The following PHF14 variants were observed in gnomAD, a reference collection of about 807,000 sequenced individuals.
The protein encoded by PHF14 is PHD finger protein 14.
A neutral mutation model predicts 117.9 loss-of-function variants in PHF14; 55 were observed. The ratio of observed to expected loss-of-function variants is 0.47; its 90% CI spans 0.38 to 0.58. The LOEUF is 0.58. PHF14 is among the 20% of genes least tolerant of loss of function. PHF14 has a pLI of 0.00. For synonymous variants in PHF14, 409 were observed against 368.6 expected (o/e 1.11, Z -1.26); for missense variants, 978 against 1,122.2 (o/e 0.87, Z 1.84).
At chr7:10,990,647 G>GTT in intron 3 of PHF14, 56 bp from the exon 4 acceptor site, 113 of 1,002,654 alleles carry the variant, frequency 1.1e-4, no homozygotes, top group East Asian at 6.1e-4. Context: ...TAGTGATTAA[G>GTT]TTTTTTTTTT....
intron 17 of PHF14, among the ~76,000 whole-genome samples, chr7:11,134,580 G>A (rs1041637406): frequency 5.9e-5 from 9 of 151,994 alleles, no homozygotes; most frequent in Non-Finnish European, 1.0e-4. Flanking sequence ...AGGAAAGTGA[G>A]ACTTGGAGCG....
intron 7 of PHF14, among the ~76,000 whole-genome samples, chr7:11,029,636 A>G (rs1784053513): frequency 6.6e-6 from 1 of 152,162 alleles, no homozygotes; most frequent in South Asian, 2.1e-4. Flanking sequence ...ATTAATGAAT[A>G]TTGCAAAAAA....
intron 6 of PHF14, among the ~76,000 whole-genome samples, chr7:11,024,378 A>G (rs11520738): frequency 0.029 from 4,451 of 152,266 alleles, 100 homozygotes; most frequent in Non-Finnish European, 0.04. Context: ...AGCTAAGACA[A>G]ATGATGAAGA....
chr7:11,123,841 C>G (rs1049341136), intron 17 of PHF14, among the ~76,000 whole-genome samples: 3 of 147,418 alleles, frequency 2.0e-5, no homozygotes, highest in African/African-American at 8.0e-5. Context: ...TCGCTTGAAC[C>G]CAGGAGGCGG....
intron 4 of PHF14, chr7:11,006,641 G>A (rs530975824): frequency 1.6e-6 from 1 of 617,830 alleles, no homozygotes; most frequent in South Asian, 1.4e-5. Context: ...GCAGAAACTT[G>A]ATGATGGTAT....
At chr7:11,023,498 T>C (rs964361254) in intron 6 of PHF14, among the ~76,000 whole-genome samples, 2 of 152,336 alleles carry the variant, frequency 1.3e-5, no homozygotes, top group Non-Finnish European at 2.9e-5. Context: ...CCTGACTTGG[T>C]TGGGGCCTCT....
intron 7 of PHF14, among the ~76,000 whole-genome samples, chr7:11,032,514 T>C (rs1562430481): frequency 6.6e-6 from 1 of 151,890 alleles, no homozygotes. Flanking sequence ...AAAAAAAAGA[T>C]TTTAAGATTC....
intron 17 of PHF14, among the ~76,000 whole-genome samples, chr7:11,148,796 A>G (rs950831714): frequency 6.6e-6 from 1 of 152,214 alleles, no homozygotes; most frequent in African/African-American, 2.4e-5. Context: ...GTTTATTTCA[A>G]TTCTAGTTAG....
At chr7:11,075,783 T>C (rs55885944) in intron 16 of PHF14, among the ~76,000 whole-genome samples, 3,001 of 151,960 alleles carry the variant, frequency 0.02, 41 homozygotes, top group Middle Eastern at 0.045. Context: ...AGTATTAATA[T>C]CTCCTTTGAA....
intron 3 of PHF14, among the ~76,000 whole-genome samples, chr7:10,983,595 C>T (rs1782119494): frequency 6.6e-6 from 1 of 152,120 alleles, no homozygotes; most frequent in South Asian, 2.1e-4. Context: ...AGCAGGGCAA[C>T]AGTCTAATGA....
chr7:11,159,985 G>T (rs1448511698), intron 17 of PHF14, among the ~76,000 whole-genome samples: 1 of 152,144 alleles, frequency 6.6e-6, no homozygotes, highest in Admixed American at 6.5e-5. Flanking sequence ...GTGTGATGCT[G>T]AGTTTTGGGG....
intron 14 of PHF14, among the ~76,000 whole-genome samples, chr7:11,055,306 A>G (rs1329833533): frequency 6.6e-6 from 1 of 152,190 alleles, no homozygotes; most frequent in East Asian, 1.9e-4. Flanking sequence ...GTAACTTGAA[A>G]GCTTTCAGAT....
chr7:11,004,624 A>AT (rs1212783664), intron 4 of PHF14, among the ~76,000 whole-genome samples: 1 of 151,946 alleles, frequency 6.6e-6, no homozygotes, highest in Non-Finnish European at 1.5e-5. Flanking sequence ...GTCATATTGA[A>AT]TATCTCTCAG....
chr7:11,133,152 G>A lies in PHF14; in HGVS notation c.2772+21685G>A, dbSNP rs144910454. 4.3e-4 allele frequency among the ~76,000 whole-genome samples: 66 copies of A among 152,026 alleles called. 1 individual carries two copies. The highest frequency in any genetic ancestry group is 1.6e-3 in the African/African-American group (65 of 41,532). On this transcript the variant is annotated intron_variant, in intron 17 of 17. Coordinates refer to ENST00000634607, the MANE Select transcript of PHF14 (RefSeq NM_001007157.2). ...TTTCAACTTAAACTATAGATTCAGTGCAATCCCAATCGAACTCTCAGCAAG... is the reference window on the plus strand; with the variant it reads ...TTTCAACTTAAACTATAGATTCAGTACAATCCCAATCGAACTCTCAGCAAG...
At chr7:11,119,301 A>G (rs1457813991) in intron 17 of PHF14, among the ~76,000 whole-genome samples, 1 of 151,908 alleles carries the variant, frequency 6.6e-6, no homozygotes, top group Admixed American at 6.6e-5. Context: ...GATAAAGGAC[A>G]TTTTATTACG....
intron 17 of PHF14, among the ~76,000 whole-genome samples, chr7:11,112,262 A>G (rs879456918): frequency 1.3e-5 from 2 of 152,184 alleles, no homozygotes; most frequent in Non-Finnish European, 2.9e-5. Flanking sequence ...ATGGACATCC[A>G]GCCATCTTTC....
At chr7:11,076,425 T>C (rs534020604) in intron 16 of PHF14, among the ~76,000 whole-genome samples, 1 of 151,988 alleles carries the variant, frequency 6.6e-6, no homozygotes, top group African/African-American at 2.4e-5. Context: ...GTATTTAATA[T>C]TATTTTTTTA....
At chr7:11,125,368 C>T (rs909794890) in intron 17 of PHF14, among the ~76,000 whole-genome samples, 4 of 152,102 alleles carry the variant, frequency 2.6e-5, no homozygotes, top group African/African-American at 9.7e-5. Context: ...TTTGTGTACA[C>T]TGGCAGTTTT....
rs112415373 is a variant in PHF14, at chr7:11,064,305, AC to A, written c.2654+2226del. On this transcript the variant is annotated intron_variant, in intron 16 of 17. Coordinates refer to ENST00000634607, the MANE Select transcript of PHF14 (RefSeq NM_001007157.2). ...TTGGCACTGTTATTGTTTGAAAATC[AC>A]CCCCCAAAAGTCTACACTTTTTTAT... 2.9e-3 allele frequency among the ~76,000 whole-genome samples: 441 copies of A among 151,746 alleles called. 1 individual carries two copies. The highest frequency in any genetic ancestry group is 0.01 in the African/African-American group (422 of 41,474).
Sources: gnomAD v4.1 joint callset for allele counts (sites outside exome capture counted in the v4.1 genomes callset) on GRCh38, gnomAD v4.1.1 for gene constraint, MANE v1.5 for transcripts, NCBI Gene and HGNC (gene_info 2026-07-23, HGNC 2026-07-21) for gene names.